Variants in SKAP2 observed in about 807,000 individuals in gnomAD.
SKAP2 encodes the protein src kinase associated phosphoprotein 2, also known as src kinase-associated phosphoprotein 2.
In SKAP2, 28 loss-of-function variants were observed where a neutral mutation model predicts 54.9. The observed-to-expected ratio is 0.51, with a 90% confidence interval of 0.38 to 0.70. SKAP2 has a LOEUF of 0.70. SKAP2 is among the 30% of genes least tolerant of loss of function. The pLI, the probability that SKAP2 is intolerant of heterozygous loss-of-function variation, is 0.00. For missense variants in SKAP2, 356 were observed against 424.1 expected, an observed-to-expected ratio of 0.84 and a Z score of 1.41; for synonymous variants, 137 against 134.3, an observed-to-expected ratio of 1.02 and a Z score of -0.14.
intron 10 of SKAP2, 138 bp from the exon 11 acceptor site, chr7:26,684,986 C>CTTTA (rs2127937207): frequency 1.7e-6 from 1 of 591,912 alleles, no homozygotes; most frequent in Non-Finnish European, 3.0e-6. Flanking sequence ...TAAACGAATA[C>CTTTA]TTTATTACAT....
intron 7 of SKAP2, 31 bp downstream of exon 7, chr7:26,726,851 C>T: frequency 6.4e-7 from 1 of 1,563,130 alleles, no homozygotes; most frequent in Non-Finnish European, 8.7e-7. Context: ...ATTTTATCAA[C>T]TTAATTTCAA....
intron 9 of SKAP2, among the ~76,000 whole-genome samples, chr7:26,717,977 GA>G (rs1787497574): frequency 6.6e-6 from 1 of 151,870 alleles, no homozygotes; most frequent in Non-Finnish European, 1.5e-5. Flanking sequence ...TTCTATATCA[GA>G]AAAGCAAAAA....
intron 4 of SKAP2, among the ~76,000 whole-genome samples, chr7:26,768,711 T>C (rs1205512087): frequency 6.6e-6 from 1 of 152,200 alleles, no homozygotes; most frequent in African/African-American, 2.4e-5. Flanking sequence ...TCTCCTTGGC[T>C]TGTGAAGCTC....
At chr7:26,686,585 T>A (rs1786646246) in intron 10 of SKAP2, among the ~76,000 whole-genome samples, 1 of 152,142 alleles carries the variant, frequency 6.6e-6, no homozygotes, top group South Asian at 2.1e-4. Flanking sequence ...CTTCAAACAT[T>A]GTCAATTTTA....
chr7:26,676,360 T>C (rs1308571752), intron 11 of SKAP2, among the ~76,000 whole-genome samples: 1 of 152,176 alleles, frequency 6.6e-6, no homozygotes, highest in Non-Finnish European at 1.5e-5. Context: ...TAAAAGAAAT[T>C]ACTAGCTCCC....
chr7:26,820,515 T>C (rs17315775), intron 4 of SKAP2, among the ~76,000 whole-genome samples: 32,305 of 152,082 alleles, frequency 0.21, 3,512 homozygotes, highest in Non-Finnish European at 0.24. Context: ...AGGATTAAGG[T>C]TCATTTTGAT....
intron 4 of SKAP2, among the ~76,000 whole-genome samples, chr7:26,842,621 TTC>T: frequency 6.6e-6 from 1 of 151,864 alleles, no homozygotes. Context: ...AGTATAAATA[TTC>T]TGTCTGTGTA....
At chr7:26,659,776 T>C in the SKAP2 span, among the ~76,000 whole-genome samples, 3 of 151,982 alleles carry the variant, frequency 2.0e-5, no homozygotes, top group African/African-American at 7.2e-5. Context: ...AATACAGAAT[T>C]CCCTTCATAA....
intron 9 of SKAP2, among the ~76,000 whole-genome samples, chr7:26,720,023 C>T (rs563692705): frequency 8.6e-5 from 13 of 151,048 alleles, no homozygotes; most frequent in Admixed American, 8.6e-4. Flanking sequence ...TTAACAGCAT[C>T]CTTGGCCCTT....
chr7:26,711,004 G>A (rs1270119987), intron 9 of SKAP2, among the ~76,000 whole-genome samples: 1 of 152,064 alleles, frequency 6.6e-6, no homozygotes, highest in African/African-American at 2.4e-5. Context: ...TAAAAATACT[G>A]TATTATGCCC....
chr7:26,788,297 A>G (rs1032007097), intron 4 of SKAP2, among the ~76,000 whole-genome samples: 2 of 152,182 alleles, frequency 1.3e-5, no homozygotes, highest in Non-Finnish European at 1.5e-5. Context: ...GTTTCTTACA[A>G]CAGCTGTGCC....
At chr7:26,864,187 T>C (rs1019717813) in intron 1 of SKAP2, among the ~76,000 whole-genome samples, 176 bp downstream of exon 1, 1 of 151,486 alleles carries the variant, frequency 6.6e-6, no homozygotes, top group Non-Finnish European at 1.5e-5. Flanking sequence ...ACACGTCCAC[T>C]CCCTTTCTGA....
At chr7:26,686,990 G>A (rs1735980937) in intron 10 of SKAP2, among the ~76,000 whole-genome samples, 1 of 151,924 alleles carries the variant, frequency 6.6e-6, no homozygotes, top group Non-Finnish European at 1.5e-5. Context: ...TAGCTATGTT[G>A]TCCCATTGCG....
intron 9 of SKAP2, among the ~76,000 whole-genome samples, chr7:26,698,254 T>C (rs548553018): frequency 2.6e-5 from 4 of 152,336 alleles, no homozygotes; most frequent in South Asian, 2.1e-4. Context: ...CACAGTTTCA[T>C]AGAAAGAACC....
chr7:26,778,760 C>T (rs1783365763), intron 4 of SKAP2, among the ~76,000 whole-genome samples: 1 of 151,870 alleles, frequency 6.6e-6, no homozygotes, highest in South Asian at 2.1e-4. Context: ...GTAATGTAAA[C>T]ATGTAATACA....
At chr7:26,849,323 G>T (rs1784990408) in intron 3 of SKAP2, among the ~76,000 whole-genome samples, 2 of 151,986 alleles carry the variant, frequency 1.3e-5, no homozygotes, top group Admixed American at 6.6e-5. Context: ...AGAGCAAAAA[G>T]ATTTTAAAGG....
At chr7:26,797,266 C>T (rs995771169) in intron 4 of SKAP2, among the ~76,000 whole-genome samples, 6 of 152,360 alleles carry the variant, frequency 3.9e-5, no homozygotes, top group African/African-American at 1.4e-4. Context: ...CAGTGCTGTG[C>T]TGGCTTCAGG....
At chr7:26,744,484 C>T (rs759718591) in intron 4 of SKAP2, among the ~76,000 whole-genome samples, 11 of 151,882 alleles carry the variant, frequency 7.2e-5, no homozygotes, top group Non-Finnish European at 1.0e-4. Context: ...TAGAACAGCA[C>T]GCAAGTCCCT....
chr7:26,772,254 G>A (rs1783204316), intron 4 of SKAP2, among the ~76,000 whole-genome samples: 2 of 152,092 alleles, frequency 1.3e-5, no homozygotes, highest in African/African-American at 4.8e-5. Flanking sequence ...TTAGGTTCGG[G>A]GGTACATGTG....
Sources: allele counts gnomAD v4.1 joint callset (sites outside exome capture counted in the v4.1 genomes callset), GRCh38; gene constraint gnomAD v4.1.1; transcripts MANE v1.5; gene names NCBI Gene and HGNC (gene_info 2026-07-23, HGNC 2026-07-21).